The following OSBPL10 variants were observed in gnomAD, a reference collection of about 807,000 sequenced individuals.
The protein encoded by OSBPL10 is oxysterol-binding protein-related protein 10.
OSBPL10 carries 49 observed loss-of-function variants against 81.7 expected under a neutral mutation model. That is an observed-to-expected ratio of 0.60 (90% CI 0.48 to 0.76). The LOEUF is 0.76. OSBPL10 is among the 30% of genes least tolerant of loss of function. The pLI is 0.00. For synonymous variants in OSBPL10, 419 were observed against 383.6 expected (o/e 1.09, Z -1.08); for missense variants, 923 against 987.8 (o/e 0.93, Z 0.88).
At chr3:31,799,012 G>A (rs944850507) in intron 4 of OSBPL10, among the ~76,000 whole-genome samples, 2 of 152,094 alleles carry the variant, frequency 1.3e-5, no homozygotes, top group African/African-American at 2.4e-5. Context: ...CTGATTCACC[G>A]CTCACCTCCT....
At chr3:31,946,139 C>A (rs964396705) in intron 1 of OSBPL10, among the ~76,000 whole-genome samples, 1 of 152,016 alleles carries the variant, frequency 6.6e-6, no homozygotes, top group South Asian at 2.1e-4. Flanking sequence ...TGCCACCATG[C>A]CCGGCTAATT....
At chr3:31,970,608 C>T (rs977129531) in intron 1 of OSBPL10, among the ~76,000 whole-genome samples, 47 of 152,166 alleles carry the variant, frequency 3.1e-4, no homozygotes, top group African/African-American at 1.1e-3. Context: ...TCTATAGCTA[C>T]AGGAAAAGGG....
At chr3:31,854,407 T>C (rs1575584392) in intron 3 of OSBPL10, among the ~76,000 whole-genome samples, 1 of 152,210 alleles carries the variant, frequency 6.6e-6, no homozygotes, top group African/African-American at 2.4e-5. Context: ...CTCAGTTCCT[T>C]TGTGGTTAGT....
intron 4 of OSBPL10, among the ~76,000 whole-genome samples, chr3:31,760,392 G>T (rs1697998033): frequency 6.6e-6 from 1 of 152,274 alleles, no homozygotes; most frequent in African/African-American, 2.4e-5. Context: ...ACTCCGCCTG[G>T]ATATCAAAAT....
At chr3:31,844,925 T>TA (rs1235817795) in intron 3 of OSBPL10, among the ~76,000 whole-genome samples, 10 of 152,044 alleles carry the variant, frequency 6.6e-5, no homozygotes, top group Admixed American at 1.3e-4. Flanking sequence ...CAATGTTTTT[T>TA]AAAAAAACTA....
At chr3:31,740,857 T>TATATATATATATATATATA (rs1697322027) in intron 5 of OSBPL10, among the ~76,000 whole-genome samples, 1 of 136,390 alleles carries the variant, frequency 7.3e-6, no homozygotes, top group African/African-American at 3.4e-5. Context: ...CTACTAGAAT[T>TATATATATATATATATATA]TATATATATA....
intron 4 of OSBPL10, among the ~76,000 whole-genome samples, chr3:31,813,009 T>C (rs898685541): frequency 2.8e-4 from 43 of 152,256 alleles, no homozygotes; most frequent in Middle Eastern, 6.8e-3. Flanking sequence ...CCAGCATAAG[T>C]CACATATTAT....
intron 5 of OSBPL10, among the ~76,000 whole-genome samples, chr3:31,739,569 A>G (rs1697278511): frequency 6.6e-6 from 1 of 152,244 alleles, no homozygotes; most frequent in Admixed American, 6.5e-5. Context: ...AAGAGAGACC[A>G]CTGCTAAAAG....
intron 1 of OSBPL10, among the ~76,000 whole-genome samples, chr3:32,074,752 A>C (rs928906330): frequency 6.6e-6 from 1 of 152,150 alleles, no homozygotes; most frequent in African/African-American, 2.4e-5. Flanking sequence ...TCCCCATTAC[A>C]ATCTGTAACA....
At chr3:31,783,820 AAAAATATATAT>A (rs1698783478) in intron 4 of OSBPL10, among the ~76,000 whole-genome samples, 1 of 62,738 alleles carries the variant, frequency 1.6e-5, no homozygotes. Flanking sequence ...AAAAAAAAAA[AAAAATATATAT>A]ATATATATAT....
intron 2 of OSBPL10, among the ~76,000 whole-genome samples, chr3:32,002,595 A>T (rs1699161821): frequency 6.9e-6 from 1 of 145,118 alleles, no homozygotes; most frequent in African/African-American, 2.5e-5. Flanking sequence ...TAGGGTTTGA[A>T]TCAAGGCTTC....
At chr3:31,665,408 G>A (rs3792551) in intron 10 of OSBPL10, among the ~76,000 whole-genome samples, 15,216 of 152,166 alleles carry the variant, frequency 0.1, 1,115 homozygotes, top group Admixed American at 0.26. Flanking sequence ...GTCCTGGGCC[G>A]GGGAGCATAT....
chr3:31,684,146 C>T lies in OSBPL10; in HGVS notation c.1246-32G>A, dbSNP rs9681441. ...TTGGAAGGACACAAAGTCAGACAAT[C>T]CCTGGGATTACACGGAAAAGCTGAA... On this transcript the variant is annotated intron_variant, in intron 7 of 11. Transcript: ENST00000396556. 5.0e-3 allele frequency: 8,082 copies of T among 1,604,060 alleles called. 382 individuals carry two copies. The African/African-American group carries it at 0.095, about 19-fold the overall frequency.
At chr3:31,902,685 C>T (rs1696284550) in intron 1 of OSBPL10, among the ~76,000 whole-genome samples, 1 of 152,152 alleles carries the variant, frequency 6.6e-6, no homozygotes, top group Non-Finnish European at 1.5e-5. Flanking sequence ...GCCTCAGCCT[C>T]CTGAGTAGCT....
chr3:31,688,980 G>A (rs1266291862), intron 7 of OSBPL10, among the ~76,000 whole-genome samples: 4 of 152,178 alleles, frequency 2.6e-5, no homozygotes, highest in Admixed American at 6.5e-5. Flanking sequence ...AGGCTCCAAA[G>A]GAGCCAGAAG....
Position 31,980,883 on chromosome 3 carries a change from G to A in OSBPL10, c.281+16C>T, listed in dbSNP as rs1698819771. 1.9e-6 allele frequency: 3 copies of A among 1,552,818 alleles called. No homozygotes were observed. The highest frequency in any genetic ancestry group is 5.1e-5 in the East Asian group (2 of 39,350). On this transcript the variant is annotated intron_variant, in intron 1 of 11. Transcript: ENST00000396556. ...CACACAGCGGCGCGCGGTGGCGCGG[G>A]CGGCTGGCGCGTTACCTGTTCTGCC...
rs745338667 is a variant in OSBPL10 at position 31,900,579 on chromosome 3, C to A, written c.282-20749G>T. 2.2e-4 allele frequency among the ~76,000 whole-genome samples: 34 copies of A among 152,184 alleles called. 1 individual carries two copies. The highest frequency in any genetic ancestry group is 1.3e-4 in the Non-Finnish European group (9 of 68,028). ...GAGGAAAATTACATGATTTAGGGGC[C>A]AAAGGCACTGCAGTCAGTTGTTGTA... On this transcript the variant is annotated intron_variant, in intron 1 of 11. Coordinates refer to ENST00000396556, the MANE Select transcript of OSBPL10 (RefSeq NM_017784.5).
intron 2 of OSBPL10, 75 bp from the exon 3 acceptor site, chr3:31,876,587 A>C: frequency 7.9e-7 from 1 of 1,269,992 alleles, no homozygotes; most frequent in Non-Finnish European, 1.1e-6. Flanking sequence ...TTCTACACCC[A>C]CCTAAGGGGG....
chr3:31,716,655 C>T (rs1053014116), intron 6 of OSBPL10, among the ~76,000 whole-genome samples: 5 of 152,194 alleles, frequency 3.3e-5, no homozygotes, highest in African/African-American at 7.2e-5. Context: ...AGTGAGGAGA[C>T]GGCTCTGGCC....
Sources: gnomAD v4.1 joint callset for allele counts (sites outside exome capture counted in the v4.1 genomes callset) on GRCh38, gnomAD v4.1.1 for gene constraint, MANE v1.5 for transcripts, NCBI Gene and HGNC (gene_info 2026-07-23, HGNC 2026-07-21) for gene names.